PELI1: variants seen among roughly 807,000 people sequenced by gnomAD.
The protein encoded by PELI1 is pellino E3 ubiquitin protein ligase 1, also known as E3 ubiquitin-protein ligase pellino homolog 1.
Under a neutral mutation model 41.3 loss-of-function variants are expected in PELI1, and 15 were observed. The ratio of observed to expected loss-of-function variants is 0.36; its 90% CI spans 0.24 to 0.56. The LOEUF (loss-of-function observed/expected upper bound fraction) is 0.56. PELI1 is among the 20% of genes least tolerant of loss of function. The pLI is 0.82. For missense variants in PELI1, 403 were observed against 525.5 expected (o/e 0.77, Z 2.28); for synonymous variants, 178 against 180.1 (o/e 0.99, Z 0.09).
intron 1 of PELI1, among the ~76,000 whole-genome samples, chr2:64,138,297 T>C (rs371391058): frequency 6.6e-6 from 1 of 152,202 alleles, no homozygotes; most frequent in Non-Finnish European, 1.5e-5. Flanking sequence ...TCAGGGCCAC[T>C]GCACTTACTA....
intron 1 of PELI1, among the ~76,000 whole-genome samples, chr2:64,114,589 A>G (rs2017834): frequency 6.6e-6 from 1 of 152,016 alleles, no homozygotes; most frequent in African/African-American, 2.4e-5. Flanking sequence ...TGCTGATAGT[A>G]TATCACCTAC....
intron 3 of PELI1, among the ~76,000 whole-genome samples, chr2:64,102,332 A>C (rs753765195): frequency 4.0e-5 from 6 of 151,688 alleles, no homozygotes; most frequent in Non-Finnish European, 7.4e-5. Flanking sequence ...ATATATATAC[A>C]TATATATATA....
In PELI1 at chr2:64,125,966, G is replaced by A. The variant is rs147563319; in HGVS notation, c.-69-17587C>T. On this transcript the variant is annotated intron_variant, in intron 1 of 6. Transcript: ENST00000358912. The stretch of plus-strand genomic sequence containing the variant: ...AAATGAATTTTATGGGTCCCATCCC[G>A]AAGATATCTCATAATATATATGCAA... Among the ~76,000 whole-genome samples the A allele has an allele frequency of 9.2e-5, 14 of 152,282 alleles. No homozygotes were observed. In the East Asian group the frequency reaches 1.3e-3, roughly 15 times the overall value.
chr2:64,142,712 A>T (rs1264243999), intron 1 of PELI1, among the ~76,000 whole-genome samples: 1 of 152,220 alleles, frequency 6.6e-6, no homozygotes, highest in Non-Finnish European at 1.5e-5. Context: ...CGTAAACTGA[A>T]ACAGAACTGA....
intron 3 of PELI1, 45 bp downstream of exon 3, chr2:64,104,656 A>C (rs751130252): frequency 2.0e-6 from 3 of 1,531,558 alleles, no homozygotes; most frequent in African/African-American, 1.4e-5. Context: ...AAAGTCTTTC[A>C]AATTCTCCAA....
At position 64,094,488 on chromosome 2, in the gene PELI1, G is replaced by C; in HGVS notation, c.*214C>G. 2 of 473,400 alleles carry C rather than the reference G, an allele frequency of 4.2e-6. No individual in the cohort carries two copies. The highest frequency in any genetic ancestry group is 7.4e-6 in the Non-Finnish European group (2 of 269,000). The allele number at this position is 473,400 out of a possible 1,614,324, so 29.3% of individuals were successfully genotyped here. A position where few individuals can be genotyped will look rare whatever the true frequency, so the allele number is the denominator to read the frequency against. ...CCTCAAAATATATTTTCAAAACTCAGAATTCAGAAGACTGATACTTTCAGA... is the reference window on the plus strand; with the variant it reads ...CCTCAAAATATATTTTCAAAACTCACAATTCAGAAGACTGATACTTTCAGA... On this transcript the variant is annotated 3_prime_UTR_variant, in exon 7 of 7. Transcript: ENST00000358912.
chr2:64,095,117 T>C lies in PELI1; in HGVS notation c.842A>G (p.Gln281Arg). 1.2e-6 allele frequency: 2 copies of C among 1,614,224 alleles called. No individual in the cohort carries two copies. Among genetic ancestry groups the C allele is most frequent in the Non-Finnish European group, 1.7e-6 (2 of 1,180,018 alleles). ...LRQEINAARPQCPVGFNTLAF... is the reference protein window; with the variant it reads ...LRQEINAARPRCPVGFNTLAF... ...TAGTGTGTTGAACCCTACAGGGCACTGAGGTCGTGCTGCATTGATTTCCTG... is the reference window on the plus strand; with the variant it reads ...TAGTGTGTTGAACCCTACAGGGCACCGAGGTCGTGCTGCATTGATTTCCTG... Residue 281 changes from glutamine to arginine, a missense_variant, in exon 7 of 7, where the codon CAG (glutamine) becomes CGG (arginine). Transcript: ENST00000358912.
intron 1 of PELI1, among the ~76,000 whole-genome samples, chr2:64,140,953 C>G (rs1428079177): frequency 6.6e-6 from 1 of 151,962 alleles, no homozygotes; most frequent in Non-Finnish European, 1.5e-5. Flanking sequence ...ATAATAAGCA[C>G]TTCCCCTCCC....
At position 64,096,576 on chromosome 2, in the gene PELI1, A is replaced by G. The variant is rs1680245304; in HGVS notation, c.338T>C (p.Val113Ala). 4.3e-6 allele frequency: 7 copies of G among 1,613,178 alleles called. No individual in the cohort carries two copies. Among genetic ancestry groups the G allele is most frequent in the Non-Finnish European group, 5.9e-6 (7 of 1,179,302 alleles). The change falls in exon 5 of 7, where the codon GTA becomes GCA. Residue 113 changes from valine to alanine, a missense_variant. Coordinates refer to ENST00000358912, the MANE Select transcript of PELI1 (RefSeq NM_020651.4). Reference sequence around the variant, plus strand: ...ACTTCCAGGAACCGTGTCAGTTACTACAAAATCAATGGGGCTTTCAGTCGA... The same window carrying G: ...ACTTCCAGGAACCGTGTCAGTTACTGCAAAATCAATGGGGCTTTCAGTCGA... ...GRSTESPIDF[V>A]VTDTVPGSQS...
In PELI1 at chr2:64,108,240, C is replaced by T; in HGVS notation, c.71G>A (p.Gly24Glu). 6.5e-7 allele frequency: 1 copy of T among 1,538,908 alleles called. No homozygotes were observed. The highest frequency in any genetic ancestry group is 9.0e-7 in the Non-Finnish European group (1 of 1,111,790). Reference sequence around the variant, plus strand: ...GTGTCATCAAATGGAGAAACCTTACCCTAAGACAATGAGTTCACCATATTT... The same window carrying T: ...GTGTCATCAAATGGAGAAACCTTACTCTAAGACAATGAGTTCACCATATTT... ...PVKYGELIVL[G>E]YNGSLPNGDR... The change falls in exon 2 of 7, where the codon GGG (glycine) becomes GAG (glutamate). Residue 24 changes from glycine to glutamate, a missense_variant and splice_region_variant. Transcript: ENST00000358912.
intron 1 of PELI1, among the ~76,000 whole-genome samples, chr2:64,138,775 G>A (rs12988261): frequency 0.17 from 26,511 of 151,968 alleles, 3,105 homozygotes; most frequent in Non-Finnish European, 0.24. Context: ...ATCCTCCTCC[G>A]AACCTCATAC....
At chr2:64,111,514 A>T (rs1352377782) in intron 1 of PELI1, among the ~76,000 whole-genome samples, 2 of 152,174 alleles carry the variant, frequency 1.3e-5, no homozygotes, top group Non-Finnish European at 2.9e-5. Context: ...ACCTCTCGTC[A>T]CCCTAGATAT....
intron 3 of PELI1, among the ~76,000 whole-genome samples, chr2:64,103,919 C>T (rs527659210): frequency 6.6e-6 from 1 of 152,280 alleles, no homozygotes; most frequent in Non-Finnish European, 1.5e-5. Flanking sequence ...TTCTTTGTAA[C>T]ACAAAGTCAG....
At chr2:64,099,201 C>CACACAT (rs765141638) in intron 4 of PELI1, among the ~76,000 whole-genome samples, 225 of 149,576 alleles carry the variant, frequency 1.5e-3, no homozygotes, top group African/African-American at 4.8e-3. Flanking sequence ...CACACACACA[C>CACACAT]ATATATATTT....
At chr2:64,096,959 A>G (rs539228322) in intron 4 of PELI1, among the ~76,000 whole-genome samples, 53 of 152,332 alleles carry the variant, frequency 3.5e-4, no homozygotes, top group Non-Finnish European at 6.0e-4. Flanking sequence ...CTCTTTAGAG[A>G]TATTTAAAGA....
chr2:64,112,840 T>G (rs140267255), intron 1 of PELI1, among the ~76,000 whole-genome samples: 313 of 152,312 alleles, frequency 2.1e-3, no homozygotes, highest in African/African-American at 7.1e-3. Context: ...ACTTTTTTTT[T>G]TATGTGTTCT....
At chr2:64,119,793 A>G (rs190874840) in intron 1 of PELI1, among the ~76,000 whole-genome samples, 1 of 152,362 alleles carries the variant, frequency 6.6e-6, no homozygotes, top group East Asian at 1.9e-4. Flanking sequence ...TACATATTCT[A>G]TAAATGTCAG....
At position 64,104,701 on chromosome 2, in the gene PELI1, C is replaced by A; in HGVS notation, c.201G>T (p.Lys67Asn). 1 of 1,430,488 alleles carries A rather than the reference C, an allele frequency of 7.0e-7. No individual in the cohort carries two copies. The highest frequency in any genetic ancestry group is 9.2e-7 in the Non-Finnish European group (1 of 1,090,632). 88.6% of individuals were successfully genotyped at this position (1,430,488 alleles called of 1,614,324 possible). Residue 67 changes from lysine to asparagine, a missense_variant and splice_region_variant, in exon 3 of 7, where the codon AAG becomes AAT. Transcript: ENST00000358912. Reference sequence around the variant, plus strand: ...TGTAGCTTTTTTTTTTTTTTTTTACCTTTGCAGCCTGAGGAGTACAAGCAA... The same window carrying A: ...TGTAGCTTTTTTTTTTTTTTTTTACATTTGCAGCCTGAGGAGTACAAGCAA... ...VHIACTPQAAKAISNKDQHSI... is the reference protein window; with the variant it reads ...VHIACTPQAANAISNKDQHSI...
At position 64,095,064 on chromosome 2, in the gene PELI1, C is replaced by T. The variant is rs1187489333; in HGVS notation, c.895G>A (p.Val299Ile). Residue 299 changes from valine (V) to isoleucine (I), a missense_variant, in exon 7 of 7, where the codon GTT (valine) becomes ATT (isoleucine). Physicochemically the swap from Val to Ile is conservative, Grantham distance 29. Coordinates refer to ENST00000358912, the MANE Select transcript of PELI1 (RefSeq NM_020651.4). The stretch of plus-strand genomic sequence containing the variant: ...ACCCATGGTTGTTTTTCATCTACAA[C>T]GTCTTTCCTCTTCATACTAGGAAAT... ...LAFPSMKRKD[V>I]VDEKQPWVYL... 1.1e-5 allele frequency: 17 copies of T among 1,614,174 alleles called. No homozygotes were observed. In the East Asian group the frequency reaches 1.8e-4, roughly 17 times the overall value.
Sources: allele counts gnomAD v4.1 joint callset (sites outside exome capture counted in the v4.1 genomes callset), GRCh38; gene constraint gnomAD v4.1.1; transcripts MANE v1.5; gene names NCBI Gene and HGNC (gene_info 2026-07-23, HGNC 2026-07-21).